CDC14B: variants seen among roughly 807,000 people sequenced by gnomAD.
CDC14B encodes the protein cell division cycle 14B, also known as dual specificity protein phosphatase CDC14B.
CDC14B carries 22 observed loss-of-function variants against 64.2 expected under a neutral mutation model. That is an observed-to-expected ratio of 0.34 (90% CI 0.24 to 0.49). The LOEUF (loss-of-function observed/expected upper bound fraction) is 0.49, where lower values mean the gene tolerates loss of function less well. Ranked by LOEUF, CDC14B falls within the 20% of genes least tolerant of loss-of-function variation. The pLI, the probability that CDC14B is intolerant of heterozygous loss-of-function variation, is 0.99. For missense variants in CDC14B, 498 were observed against 629.9 expected (o/e 0.79, Z 2.24); for synonymous variants, 191 against 215.8 (o/e 0.89, Z 1.01).
At chr9:96,552,021 C>A in intron 4 of CDC14B, 149 bp from the exon 5 acceptor site, 2 of 1,065,508 alleles carry the variant, frequency 1.9e-6, no homozygotes, top group Non-Finnish European at 2.6e-6. Flanking sequence ...AGAATCCTGT[C>A]CATAGATTTC....
chr9:96,512,576 G>A (rs1326056202), intron 12 of CDC14B, among the ~76,000 whole-genome samples: 2 of 151,852 alleles, frequency 1.3e-5, no homozygotes, highest in African/African-American at 2.4e-5. Flanking sequence ...CTCTTTCCTC[G>A]ACCTTCCAAA....
chr9:96,560,092 C>G (rs1842953534), intron 4 of CDC14B, among the ~76,000 whole-genome samples: 1 of 152,034 alleles, frequency 6.6e-6, no homozygotes, highest in Non-Finnish European at 1.5e-5. Context: ...TTAAGACAAC[C>G]CTGACTGAGT....
At chr9:96,496,049 T>G (rs544749469), downstream of CDC14B, among the ~76,000 whole-genome samples, 4 of 152,208 alleles carry the variant, frequency 2.6e-5, no homozygotes, top group East Asian at 1.9e-4. Flanking sequence ...CCTAAGAAAG[T>G]GTCAGCAGCA....
intron 4 of CDC14B, among the ~76,000 whole-genome samples, chr9:96,557,412 TG>T (rs1284392839): frequency 5.3e-5 from 8 of 152,264 alleles, no homozygotes; most frequent in African/African-American, 1.9e-4. Context: ...TTTGCTGAAC[TG>T]GATTCTTACC....
chr9:96,586,297 G>T (rs567775313), intron 1 of CDC14B, among the ~76,000 whole-genome samples: 38 of 152,276 alleles, frequency 2.5e-4, no homozygotes, highest in African/African-American at 7.7e-4. Flanking sequence ...CTTAGTATCT[G>T]TTACAGACTG....
At chr9:96,544,203 G>A (rs964194096) in intron 5 of CDC14B, among the ~76,000 whole-genome samples, 1 of 152,038 alleles carries the variant, frequency 6.6e-6, no homozygotes. Context: ...TGGTGACAGA[G>A]CGAGACTCCC....
chr9:96,498,718 A>G (rs763619889), downstream of CDC14B, among the ~76,000 whole-genome samples: 32 of 152,272 alleles, frequency 2.1e-4, no homozygotes, highest in Non-Finnish European at 3.2e-4. Flanking sequence ...ATTGAAAGAT[A>G]TGCCCCGATA....
intron 9 of CDC14B, among the ~76,000 whole-genome samples, chr9:96,529,123 A>C (rs554896596): frequency 6.6e-6 from 1 of 152,242 alleles, no homozygotes; most frequent in South Asian, 2.1e-4. Flanking sequence ...CTGTTCTTTC[A>C]TTGTCAGTGC....
chr9:96,588,825 TAGA>T (rs1289395337), intron 1 of CDC14B, among the ~76,000 whole-genome samples: 2 of 152,242 alleles, frequency 1.3e-5, no homozygotes, highest in East Asian at 1.9e-4. Flanking sequence ...AGGGCGGTTT[TAGA>T]AGAAGTCAGT....
At chr9:96,575,092 T>C (rs1844724094) in intron 1 of CDC14B, among the ~76,000 whole-genome samples, 1 of 152,232 alleles carries the variant, frequency 6.6e-6, no homozygotes, top group African/African-American at 2.4e-5. Flanking sequence ...CGGATGTTTA[T>C]TTCTTGCCGG....
chr9:96,561,654 A>T (rs1364613883), intron 4 of CDC14B, among the ~76,000 whole-genome samples: 4 of 137,260 alleles, frequency 2.9e-5, no homozygotes, highest in Non-Finnish European at 4.8e-5. Context: ...CATTTTTTGT[A>T]TTTTTTTTTT....
intron 3 of CDC14B, 37 bp from the exon 4 acceptor site, chr9:96,562,822 T>C: frequency 7.8e-7 from 1 of 1,285,764 alleles, no homozygotes; most frequent in East Asian, 2.3e-5. Context: ...ATTTTCTTTT[T>C]AATTTCAAGT....
intron 13 of CDC14B, among the ~76,000 whole-genome samples, chr9:96,504,639 A>G (rs1363409315): frequency 6.6e-6 from 1 of 152,220 alleles, no homozygotes; most frequent in Non-Finnish European, 1.5e-5. Flanking sequence ...TATTTTACAA[A>G]GAAACATTTG....
chr9:96,524,576 G>A (rs1564242226), intron 9 of CDC14B, among the ~76,000 whole-genome samples: 1 of 152,076 alleles, frequency 6.6e-6, no homozygotes, highest in Non-Finnish European at 1.5e-5. Context: ...TTAATTTTAT[G>A]TGTCAATCCG....
chr9:96,497,344 C>T (rs1833299568), downstream of CDC14B, among the ~76,000 whole-genome samples: 1 of 152,204 alleles, frequency 6.6e-6, no homozygotes, highest in Non-Finnish European at 1.5e-5. Flanking sequence ...CCACACAGGC[C>T]AGGGACCCCC....
chr9:96,495,398 C>G (rs1268240707), downstream of CDC14B, among the ~76,000 whole-genome samples: 2 of 140,702 alleles, frequency 1.4e-5, no homozygotes, highest in Admixed American at 7.0e-5. Flanking sequence ...GCTGCCCCCC[C>G]CCGCCCCCCG....
intron 1 of CDC14B, among the ~76,000 whole-genome samples, chr9:96,617,458 T>C (rs1847701908): frequency 1.3e-5 from 2 of 152,080 alleles, no homozygotes; most frequent in Non-Finnish European, 2.9e-5. Flanking sequence ...CATACGTACT[T>C]GTTAATGGTT....
chr9:96,547,758 C>A (rs1335487681), intron 5 of CDC14B, among the ~76,000 whole-genome samples: 1 of 151,808 alleles, frequency 6.6e-6, no homozygotes, highest in African/African-American at 2.4e-5. Flanking sequence ...CAGCCTATAC[C>A]AAGTGTTTTA....
At chr9:96,602,863 C>T (rs997853275) in intron 1 of CDC14B, among the ~76,000 whole-genome samples, 1 of 151,898 alleles carries the variant, frequency 6.6e-6, no homozygotes, top group African/African-American at 2.4e-5. Flanking sequence ...GCACCTATAT[C>T]ATAGAAACTT....
Sources: gnomAD v4.1 joint callset for allele counts (sites outside exome capture counted in the v4.1 genomes callset) on GRCh38, gnomAD v4.1.1 for gene constraint, MANE v1.5 for transcripts, NCBI Gene and HGNC (gene_info 2026-07-23, HGNC 2026-07-21) for gene names.